Variants in ZNF827 observed in about 807,000 individuals in gnomAD.
ZNF827 encodes zinc finger protein 827.
In ZNF827, 13 loss-of-function variants were observed where a neutral mutation model predicts 102.4. That is an observed-to-expected ratio of 0.13 (90% CI 0.08 to 0.20). ZNF827 has a LOEUF of 0.20. Ranked by LOEUF, ZNF827 falls within the 10% of genes least tolerant of loss-of-function variation. The pLI, the probability that ZNF827 is intolerant of heterozygous loss-of-function variation, is 1.00. For missense variants in ZNF827, 1,103 were observed against 1,344.4 expected, an observed-to-expected ratio of 0.82 and a Z score of 2.81; for synonymous variants, 523 against 536.2, an observed-to-expected ratio of 0.98 and a Z score of 0.34.
chr4:145,801,706 TCAA>T (rs1214048961), intron 8 of ZNF827, among the ~76,000 whole-genome samples: 4 of 152,218 alleles, frequency 2.6e-5, no homozygotes, highest in Admixed American at 2.6e-4. Flanking sequence ...TTCATTTTCA[TCAA>T]CATTAGCAGA....
intron 8 of ZNF827, among the ~76,000 whole-genome samples, chr4:145,799,709 G>A (rs779555305): frequency 1.3e-5 from 2 of 152,124 alleles, no homozygotes; most frequent in Non-Finnish European, 2.9e-5. Flanking sequence ...AGCTAAGTAC[G>A]GCCACGTGAT....
At chr4:145,776,301 T>G (rs1308007395) in intron 9 of ZNF827, among the ~76,000 whole-genome samples, 1 of 151,656 alleles carries the variant, frequency 6.6e-6, no homozygotes, top group Non-Finnish European at 1.5e-5. Flanking sequence ...TACAAAAAAA[T>G]TTTTAAAAAA....
chr4:145,878,602 C>A (rs6811438), intron 4 of ZNF827, among the ~76,000 whole-genome samples: 4,134 of 63,064 alleles, frequency 0.066, 300 homozygotes, highest in East Asian at 0.17. Flanking sequence ...CAGGACAGGA[C>A]AGGAAAGGAA....
chr4:145,899,189 C>T (rs1579513098), intron 2 of ZNF827, among the ~76,000 whole-genome samples: 2 of 152,054 alleles, frequency 1.3e-5, no homozygotes, highest in African/African-American at 2.4e-5. Flanking sequence ...CAAATGTTCC[C>T]ATACAGGGGT....
Position 145,931,738 on chromosome 4 carries a change from G to A in ZNF827, c.43+6627C>T, listed in dbSNP as rs28716773. On this transcript the variant is annotated intron_variant, in intron 1 of 14. Coordinates refer to ENST00000508784, the MANE Select transcript of ZNF827 (RefSeq NM_001306215.2). ...TATTTAAAAATGAAGAATGGAGGAAGACATGGCAACTTCAAAAGGGGACAA... is the reference window on the plus strand; with the variant it reads ...TATTTAAAAATGAAGAATGGAGGAAAACATGGCAACTTCAAAAGGGGACAA... Among the ~76,000 whole-genome samples the A allele has an allele frequency of 7.6e-3, 1,158 of 152,298 alleles. 25 individuals carry two copies. The highest frequency in any genetic ancestry group is 0.027 in the African/African-American group (1,118 of 41,548).
In ZNF827 at chr4:145,904,295, C is replaced by T. The variant is rs573594678; in HGVS notation, c.44-1080G>A. On this transcript the variant is annotated intron_variant, in intron 1 of 14. Coordinates refer to ENST00000508784, the MANE Select transcript of ZNF827 (RefSeq NM_001306215.2). ...CACTCAGAATGAACAAAACTAAGATCCTGCCTTCTTGGAGCTTACATTCCA... is the reference window on the plus strand; with the variant it reads ...CACTCAGAATGAACAAAACTAAGATTCTGCCTTCTTGGAGCTTACATTCCA... Among the ~76,000 whole-genome samples, 5 of 152,336 alleles carry T rather than the reference C, an allele frequency of 3.3e-5. No homozygotes were observed. The East Asian group carries it at 9.6e-4, about 29-fold the overall frequency.
intron 1 of ZNF827, among the ~76,000 whole-genome samples, chr4:145,930,531 T>C (rs546708284): frequency 6.6e-6 from 1 of 152,358 alleles, no homozygotes; most frequent in South Asian, 2.1e-4. Context: ...CATTTCTTCC[T>C]TGCTGGTAGA....
At chr4:145,801,618 T>C (rs924343784) in intron 8 of ZNF827, among the ~76,000 whole-genome samples, 1 of 152,186 alleles carries the variant, frequency 6.6e-6, no homozygotes, top group Non-Finnish European at 1.5e-5. Context: ...TGTGTTTCTT[T>C]CAAATCACTA....
rs1168410117 is a variant in ZNF827 at position 145,869,666 on chromosome 4, A to G, written c.1981+579T>C. Among the ~76,000 whole-genome samples, 3 of 152,324 alleles carry G rather than the reference A, an allele frequency of 2.0e-5. No individual in the cohort carries two copies. In the East Asian group the frequency reaches 5.8e-4, roughly 29 times the overall value. On this transcript the variant is annotated intron_variant, in intron 5 of 14. Coordinates refer to ENST00000508784, the MANE Select transcript of ZNF827 (RefSeq NM_001306215.2). ...TTATAAGCTATTTTCCCTACATTTA[A>G]TACGCTGAGATTACATTTAGATGCT...
Position 145,902,774 on chromosome 4 carries a change from T to C in ZNF827, c.485A>G (p.His162Arg), listed in dbSNP as rs2126889104. The change falls in exon 2 of 15, where the codon CAC (histidine) becomes CGC (arginine). Residue 162 changes from histidine to arginine, a missense_variant. Transcript: ENST00000508784. The surrounding 1 kb of genome is among the most constrained non-coding windows in gnomAD (Gnocchi z 4.3). ...GGCCAGAACACTGAGCTGCTGGGCG[T>C]GGTGGGAAGGCGGGGAAAAGGAGAG... ...SNLSFSPPSH[H>R]AQQLSVLARK... 2 of 1,613,904 alleles carry C rather than the reference T, an allele frequency of 1.2e-6. No homozygotes were observed. The highest frequency in any genetic ancestry group is 1.7e-6 in the Non-Finnish European group (2 of 1,179,954).
chr4:145,918,386 C>T (rs920116039), intron 1 of ZNF827, among the ~76,000 whole-genome samples: 7 of 139,722 alleles, frequency 5.0e-5, no homozygotes, highest in East Asian at 4.4e-4. Flanking sequence ...GACTTCTGCT[C>T]TCCAGAACAG....
intron 2 of ZNF827, among the ~76,000 whole-genome samples, chr4:145,900,444 G>A (rs183396245): frequency 2.6e-4 from 39 of 151,720 alleles, no homozygotes; most frequent in Non-Finnish European, 4.4e-4. Context: ...TTGAGACAGA[G>A]TCTCATCCAG....
intron 11 of ZNF827, among the ~76,000 whole-genome samples, chr4:145,770,654 GT>G (rs1195535428): frequency 4.6e-5 from 7 of 151,914 alleles, no homozygotes; most frequent in Non-Finnish European, 7.4e-5. Flanking sequence ...TTAGATATTT[GT>G]ACAGAGTTGG....
chr4:145,928,361 G>T (rs777379116), intron 1 of ZNF827, among the ~76,000 whole-genome samples: 1 of 152,170 alleles, frequency 6.6e-6, no homozygotes, highest in Non-Finnish European at 1.5e-5. Context: ...TCTCCCAGGT[G>T]ATTCTAATAC....
chr4:145,885,639 A>AGAGAGAGC (rs1750049648), intron 4 of ZNF827, 39 bp downstream of exon 4: 1 of 1,505,666 alleles, frequency 6.6e-7, no homozygotes, highest in African/African-American at 1.4e-5. Context: ...AGAGAGAGAG[A>AGAGAGAGC]GAGAGAGAGA....
At chr4:145,766,118 A>T (rs983827281) in intron 11 of ZNF827, among the ~76,000 whole-genome samples, 1 of 152,138 alleles carries the variant, frequency 6.6e-6, no homozygotes, top group Non-Finnish European at 1.5e-5. Flanking sequence ...CCATTTTACG[A>T]TGAGGGAATG....
intron 11 of ZNF827, among the ~76,000 whole-genome samples, chr4:145,771,504 A>G (rs979596182): frequency 5.9e-5 from 9 of 152,234 alleles, no homozygotes; most frequent in Non-Finnish European, 1.0e-4. Flanking sequence ...TGCAACATTT[A>G]GAAATTGCAG....
At chr4:145,773,664 A>G (rs543442726) in intron 11 of ZNF827, among the ~76,000 whole-genome samples, 6 of 152,390 alleles carry the variant, frequency 3.9e-5, no homozygotes, top group African/African-American at 1.4e-4. Context: ...GTTAACATCA[A>G]TAAATGGAAG....
chr4:145,813,164 CCTT>C (rs1742217132), intron 8 of ZNF827, among the ~76,000 whole-genome samples: 1 of 152,038 alleles, frequency 6.6e-6, no homozygotes, highest in South Asian at 2.1e-4. Flanking sequence ...AGCAGATGAT[CCTT>C]CTTCTGACAC....
Sources: gnomAD v4.1 joint callset for allele counts (sites outside exome capture counted in the v4.1 genomes callset) on GRCh38, gnomAD v4.1.1 for gene constraint, Gnocchi (gnomAD v3.1) non-coding constraint, MANE v1.5 for transcripts, NCBI Gene and HGNC (gene_info 2026-07-23, HGNC 2026-07-21) for gene names.